NOC2L: variants seen among roughly 807,000 people sequenced by gnomAD.
The protein encoded by NOC2L is NOC2 like nucleolar associated transcriptional repressor.
In NOC2L, 101 loss-of-function variants were observed where a neutral mutation model predicts 94.2. The ratio of observed to expected loss-of-function variants is 1.07; its 90% CI spans 0.91 to 1.26. The LOEUF (loss-of-function observed/expected upper bound fraction) is 1.26. Among genes scored for constraint, NOC2L ranks in the 50% most tolerant of loss-of-function variants. The pLI is 0.00. For missense variants in NOC2L, 1,076 were observed against 980.1 expected (o/e 1.10, Z -1.31); for synonymous variants, 531 against 413.4 (o/e 1.28, Z -3.45).
In NOC2L at chr1:946,477, C is replaced by T. The variant is rs1267573720; in HGVS notation, c.1728G>A (p.Lys576=). The change falls in exon 15 of 19, where the codon AAG becomes AAA. Residue 576 remains lysine, a synonymous_variant. Transcript: ENST00000327044. ...YCRQVQQLLG[K]VQENSAYICS... ...AGATGTATGCCGAGTTCTCCTGAAC[C>T]TTCCCAAGCAGCTGCTGCACCTGCC... The T allele has an allele frequency of 1.2e-6, 2 of 1,613,328 alleles. No homozygotes were observed. Among genetic ancestry groups the T allele is most frequent in the Non-Finnish European group, 1.7e-6 (2 of 1,180,016 alleles).
rs1003605339 is a variant in NOC2L at position 945,766 on chromosome 1, T to C, written c.1918-113A>G. 15 of 1,265,736 alleles carry C rather than the reference T, an allele frequency of 1.2e-5. No homozygotes were observed. In the African/African-American group the frequency reaches 1.8e-4, roughly 15 times the overall value. 78.4% of individuals were successfully genotyped at this position (1,265,736 alleles called of 1,614,324 possible). On this transcript the variant is annotated intron_variant, in intron 16 of 18. Coordinates refer to ENST00000327044, the MANE Select transcript of NOC2L (RefSeq NM_015658.4). ...AGGGCCCCATGTGGCCAATTTCTAG[T>C]CCCCTCTGTTCCCAAATCACAAAGC...
rs768305341 is a variant in NOC2L, at chr1:959,251, C to A, written c.-11G>T. ...CCCCGCAGCTGCCATGACACCAACC[C>A]GAAGCGTGCACCCCACTTCCGGCCC... On this transcript the variant is annotated 5_prime_UTR_variant, in exon 1 of 19. Coordinates refer to ENST00000327044, the MANE Select transcript of NOC2L (RefSeq NM_015658.4). 8.7e-6 allele frequency: 14 copies of A among 1,603,564 alleles called. No individual in the cohort carries two copies. Among genetic ancestry groups the A allele is most frequent in the Non-Finnish European group, 1.0e-5 (12 of 1,175,884 alleles).
At chr1:956,070 G>C (rs767243340) in intron 5 of NOC2L, 25 bp downstream of exon 5, 1 of 1,614,082 alleles carries the variant, frequency 6.2e-7, no homozygotes, top group Admixed American at 1.7e-5. Context: ...AGACAGCCTG[G>C]ATGCCAGGCT....
intron 12 of NOC2L, among the ~76,000 whole-genome samples, chr1:950,544 TACAC>T (rs1440559119): frequency 6.6e-6 from 1 of 150,440 alleles, no homozygotes. Context: ...CACGCAAAGG[TACAC>T]ACATGCATAC....
At position 957,396 on chromosome 1, in the gene NOC2L, G is replaced by A. The variant is rs184098011; in HGVS notation, c.180-123C>T. 4.0e-3 allele frequency: 3,959 copies of A among 992,632 alleles called. 18 individuals carry two copies. Among genetic ancestry groups the A allele is most frequent in the South Asian group, 8.8e-3 (549 of 62,652 alleles). The allele number at this position is 992,632 out of a possible 1,614,324, so 61.5% of individuals were successfully genotyped here. A position where few individuals can be genotyped will look rare whatever the true frequency, so the allele number is the denominator to read the frequency against. On this transcript the variant is annotated intron_variant, in intron 2 of 18. Transcript: ENST00000327044. The stretch of plus-strand genomic sequence containing the variant: ...AACTAGCAAGACAGGATTGCCAGGA[G>A]GTACGTTTTTGGCAGACTCACGTCT...
intron 2 of NOC2L, 139 bp downstream of exon 2, chr1:958,790 G>T (rs182862179): frequency 3.5e-6 from 3 of 846,710 alleles, no homozygotes; most frequent in African/African-American, 3.3e-5. Context: ...GGATGAAAGA[G>T]TAAGTTAAGC....
At chr1:958,658 GGT>G in intron 2 of NOC2L, 1 of 660,430 alleles carries the variant, frequency 1.5e-6, no homozygotes, top group Non-Finnish European at 2.8e-6. Flanking sequence ...AACTGCAGGC[GGT>G]GATTTCACCC....
chr1:948,352 GCTC>G, intron 13 of NOC2L, 120 bp from the exon 14 acceptor site: 1 of 1,057,520 alleles, frequency 9.5e-7, no homozygotes, highest in South Asian at 1.4e-5. Flanking sequence ...CAAGGAAGGG[GCTC>G]CTGGGCCCCA....
Position 953,438 on chromosome 1 carries a change from G to T in NOC2L, c.889-150C>A. The T allele has an allele frequency of 6.4e-6, 4 of 628,100 alleles. No individual in the cohort carries two copies. The South Asian group carries it at 7.7e-5, about 12-fold the overall frequency. 38.9% of individuals were successfully genotyped at this position (628,100 alleles called of 1,614,324 possible). On this transcript the variant is annotated intron_variant, in intron 8 of 18. Coordinates refer to ENST00000327044, the MANE Select transcript of NOC2L (RefSeq NM_015658.4). ...GGGGGAGCCGTGAGTTAGGTGCTCA[G>T]TTACAGAAGTGAACAGAACAGGTGT... is the stretch of plus-strand genomic sequence containing the variant.
At chr1:950,425 A>G (rs1045032382) in intron 12 of NOC2L, among the ~76,000 whole-genome samples, 1 of 151,744 alleles carries the variant, frequency 6.6e-6, no homozygotes, top group Non-Finnish European at 1.5e-5. Flanking sequence ...ACAGGTACAC[A>G]CATGCAGACA....
At chr1:948,679 C>A (rs1392775960) in intron 12 of NOC2L, 76 bp from the exon 13 acceptor site, 1 of 1,263,228 alleles carries the variant, frequency 7.9e-7, no homozygotes, top group East Asian at 2.3e-5. Flanking sequence ...GCACCCTGGT[C>A]CCCCTGGTCC....
chr1:951,216 A>G lies in NOC2L; in HGVS notation c.1354T>C (p.Tyr452His). 1 of 1,589,796 alleles carries G rather than the reference A, an allele frequency of 6.3e-7. No individual in the cohort carries two copies. The highest frequency in any genetic ancestry group is 8.6e-7 in the Non-Finnish European group (1 of 1,168,306). ...CGGATGCAGTGCATTCGCAGCGGGT[A>G]GAAGCGGGCAGTGGGGATGAGCCTG... ...CIKLIPTARF[Y>H]PLRMHCIRAL... The change falls in exon 12 of 19, where the codon TAC becomes CAC. Residue 452 changes from tyrosine (Y) to histidine (H), a missense_variant. Tyr to His is a moderately conservative substitution (Grantham distance 83). This residue lies in a region of NOC2L where 615 missense variants were observed against 577.4 expected (regional missense o/e 1.07). Transcript: ENST00000327044.
At chr1:952,322 T>TA in intron 10 of NOC2L, 90 bp downstream of exon 10, 1 of 1,507,754 alleles carries the variant, frequency 6.6e-7, no homozygotes, top group Admixed American at 1.8e-5. Context: ...GACAGGGGCT[T>TA]CGGGGAGGCC....
chr1:959,037 A>G lies in NOC2L; in HGVS notation c.71T>C (p.Phe24Ser). Residue 24 changes from phenylalanine (F) to serine (S), a missense_variant, in exon 2 of 19, where the codon TTT becomes TCT. This residue lies in a region of NOC2L where 457 missense variants were observed against 386.0 expected (regional missense o/e 1.18). Transcript: ENST00000327044. The part of the protein sequence containing the change: ...LTVDEFLASG[F>S]DSESESESEN... Reference sequence around the variant, plus strand: ...GGACTCGGATTCGGACTCGGAGTCAAAGCCCGAAGCTAGGAACTCGTCCAC... The same window carrying G: ...GGACTCGGATTCGGACTCGGAGTCAGAGCCCGAAGCTAGGAACTCGTCCAC... 6.2e-7 allele frequency: 1 copy of G among 1,611,888 alleles called. No homozygotes were observed.
At position 951,207 on chromosome 1, in the gene NOC2L, G is replaced by A. The variant is rs967128892; in HGVS notation, c.1363C>T (p.Arg455Ter). The A allele has an allele frequency of 3.5e-5, 55 of 1,593,692 alleles. No homozygotes were observed. Among genetic ancestry groups the A allele is most frequent in the Non-Finnish European group, 4.4e-5 (51 of 1,170,420 alleles). ...GTCAGGGCACGGATGCAGTGCATTC[G>A]CAGCGGGTAGAAGCGGGCAGTGGGG... ...LIPTARFYPL[R>*]MHCIRALTLL... Residue 455 changes from arginine (R) to a stop codon, truncating the protein, a stop_gained, in exon 12 of 19, where the codon CGA (arginine) becomes TGA (stop). Coordinates refer to ENST00000327044, the MANE Select transcript of NOC2L (RefSeq NM_015658.4). LOFTEE classifies it high-confidence loss of function.
intron 2 of NOC2L, 29 bp downstream of exon 2, chr1:958,883 GGGACAGGACGAGCAAGA>G: frequency 6.2e-7 from 1 of 1,609,790 alleles, no homozygotes; most frequent in Non-Finnish European, 8.5e-7. Context: ...CAACCGGGGT[GGGACAGGACGAGCAAGA>G]GGTTCTGCTC....
At chr1:950,652 CT>C (rs1245097692) in intron 12 of NOC2L, among the ~76,000 whole-genome samples, 8 of 102,110 alleles carry the variant, frequency 7.8e-5, no homozygotes, top group African/African-American at 2.6e-4. Context: ...CACACATGAA[CT>C]GATATGCACA....
Position 957,210 on chromosome 1 carries a change from G to A in NOC2L, c.243C>T (p.Pro81=), listed in dbSNP as rs750885260. ...TCTCCTGCAGGAACTTGTAGAACTCGGGGTCTCTGTCCTTCAGCCGAGAGA... is the reference window on the plus strand; with the variant it reads ...TCTCCTGCAGGAACTTGTAGAACTCAGGGTCTCTGTCCTTCAGCCGAGAGA... ...DQLSRLKDRD[P]EFYKFLQEND... is the part of the protein sequence containing the mutation. Residue 81 remains proline (P), a synonymous_variant, in exon 3 of 19, where the codon CCC becomes CCT. Transcript: ENST00000327044. 4.4e-5 allele frequency: 71 copies of A among 1,613,810 alleles called. No individual in the cohort carries two copies. The highest frequency in any genetic ancestry group is 4.2e-4 in the East Asian group (19 of 44,894).
intron 2 of NOC2L, chr1:958,339 G>A (rs4970445): frequency 0.86 from 199,125 of 231,188 alleles, 86,999 homozygotes; most frequent in Non-Finnish European, 0.93. Flanking sequence ...TGCAACCTCC[G>A]CCTCCCAAGT....
Sources: allele counts gnomAD v4.1 joint callset (sites outside exome capture counted in the v4.1 genomes callset), GRCh38; gene constraint gnomAD v4.1.1; regional missense constraint gnomAD v4.1.1; transcripts MANE v1.5; gene names NCBI Gene and HGNC (gene_info 2026-07-23, HGNC 2026-07-21).